The following DCC variants were observed in gnomAD, a reference collection of about 807,000 sequenced individuals.
The protein encoded by DCC is DCC netrin 1 receptor.
Under a neutral mutation model 172.5 loss-of-function variants are expected in DCC, and 58 were observed. That is an observed-to-expected ratio of 0.34 (90% CI 0.27 to 0.42). DCC has a LOEUF of 0.42. Among genes scored for constraint, DCC ranks in the 10% least tolerant of loss-of-function variants. DCC has a pLI of 1.00. For synonymous variants in DCC, 709 were observed against 644.5 expected, an observed-to-expected ratio of 1.10 and a Z score of -1.52; for missense variants, 1,740 against 1,791.0, an observed-to-expected ratio of 0.97 and a Z score of 0.51.
intron 1 of DCC, among the ~76,000 whole-genome samples, chr18:52,418,554 C>T (rs1987127092): frequency 6.6e-6 from 1 of 152,146 alleles, no homozygotes; most frequent in South Asian, 2.1e-4. Context: ...ATGCCAGAAG[C>T]AGGAGGCAGG....
At chr18:52,716,867 T>G (rs1282902026) in intron 1 of DCC, among the ~76,000 whole-genome samples, 1 of 152,200 alleles carries the variant, frequency 6.6e-6, no homozygotes, top group African/African-American at 2.4e-5. Flanking sequence ...AAATTTGCAC[T>G]TTTTGATTGT....
chr18:52,472,913 A>G (rs765680662), intron 1 of DCC, among the ~76,000 whole-genome samples: 5 of 152,162 alleles, frequency 3.3e-5, no homozygotes, highest in African/African-American at 4.8e-5. Context: ...CCTCAAAAAT[A>G]AATAAATTAA....
intron 13 of DCC, among the ~76,000 whole-genome samples, chr18:53,309,021 C>A (rs980912057): frequency 3.3e-5 from 5 of 151,874 alleles, no homozygotes; most frequent in African/African-American, 1.2e-4. Flanking sequence ...TCTCTGTGTT[C>A]TCTCCTCTTC....
intron 9 of DCC, among the ~76,000 whole-genome samples, chr18:53,188,614 T>G (rs2055321183): frequency 6.6e-6 from 1 of 152,200 alleles, no homozygotes; most frequent in Non-Finnish European, 1.5e-5. Flanking sequence ...TTAACCCATT[T>G]GGGTGTTGCA....
intron 15 of DCC, among the ~76,000 whole-genome samples, chr18:53,372,764 A>G (rs16956637): frequency 0.23 from 24,195 of 103,762 alleles, 2,403 homozygotes; most frequent in African/African-American, 0.32. Flanking sequence ...TCTAATCCCA[A>G]TTCCACGGCC....
At chr18:52,879,311 T>C (rs1186516977) in intron 2 of DCC, among the ~76,000 whole-genome samples, 1 of 152,052 alleles carries the variant, frequency 6.6e-6, no homozygotes, top group Non-Finnish European at 1.5e-5. Context: ...CATTCATTTT[T>C]GTGCAGTTGA....
chr18:52,989,244 T>C (rs1599003896), intron 5 of DCC, among the ~76,000 whole-genome samples: 1 of 152,252 alleles, frequency 6.6e-6, no homozygotes, highest in East Asian at 1.9e-4. Context: ...TTTCCTTGGC[T>C]GGGTGTGGTG....
At chr18:52,844,337 CAGAT>C (rs1210286925) in intron 2 of DCC, among the ~76,000 whole-genome samples, 11 of 151,842 alleles carry the variant, frequency 7.2e-5, no homozygotes, top group African/African-American at 2.2e-4. Flanking sequence ...GACAGACAGA[CAGAT>C]AGATAGATAT....
chr18:52,507,503 C>G (rs767064650), intron 1 of DCC, among the ~76,000 whole-genome samples: 1 of 152,156 alleles, frequency 6.6e-6, no homozygotes, highest in African/African-American at 2.4e-5. Flanking sequence ...TGTAAGAAAA[C>G]TTCCAAAGAA....
intron 5 of DCC, among the ~76,000 whole-genome samples, chr18:52,938,765 C>A (rs1490379196): frequency 1.3e-5 from 2 of 151,962 alleles, no homozygotes; most frequent in Non-Finnish European, 2.9e-5. Flanking sequence ...AGCCTTAAGC[C>A]CTCTTTTTCT....
chr18:53,332,482 A>G (rs10469021), intron 14 of DCC, among the ~76,000 whole-genome samples: 15,701 of 152,238 alleles, frequency 0.1, 870 homozygotes, highest in Middle Eastern at 0.19. Flanking sequence ...ATGAGCAAAA[A>G]TTTGTTAAAT....
intron 2 of DCC, among the ~76,000 whole-genome samples, chr18:52,896,391 G>A (rs1019265252): frequency 2.6e-5 from 4 of 152,032 alleles, no homozygotes; most frequent in African/African-American, 9.7e-5. Flanking sequence ...ACAGTTAAGC[G>A]ACCTCTTTCA....
At chr18:52,837,179 C>T (rs1358314651) in intron 2 of DCC, among the ~76,000 whole-genome samples, 3 of 152,162 alleles carry the variant, frequency 2.0e-5, no homozygotes, top group Non-Finnish European at 4.4e-5. Flanking sequence ...ATATTTTCCT[C>T]CTAGGCCTCC....
intron 24 of DCC, among the ~76,000 whole-genome samples, chr18:53,460,999 T>A (rs980886289): frequency 1.8e-4 from 28 of 152,346 alleles, no homozygotes; most frequent in South Asian, 4.1e-4. Context: ...GATATCTCAT[T>A]GTGGTTTTGA....
At chr18:52,669,493 C>G (rs539392730) in intron 1 of DCC, among the ~76,000 whole-genome samples, 1 of 152,176 alleles carries the variant, frequency 6.6e-6, no homozygotes, top group Non-Finnish European at 1.5e-5. Context: ...CAAGAAGGAA[C>G]AAGGACAGCT....
At chr18:53,445,783 A>C (rs1253097421) in intron 22 of DCC, among the ~76,000 whole-genome samples, 2 of 152,134 alleles carry the variant, frequency 1.3e-5, no homozygotes, top group Non-Finnish European at 2.9e-5. Flanking sequence ...CATCATGGAA[A>C]TAAAAAATAA....
chr18:53,215,964 A>G (rs2055840298), intron 12 of DCC, among the ~76,000 whole-genome samples: 1 of 152,220 alleles, frequency 6.6e-6, no homozygotes, highest in African/African-American at 2.4e-5. Context: ...TGAAATAATT[A>G]GGAGAAAGAA....
At chr18:52,646,546 A>T (rs890000375) in intron 1 of DCC, among the ~76,000 whole-genome samples, 1 of 152,196 alleles carries the variant, frequency 6.6e-6, no homozygotes, top group Admixed American at 6.5e-5. Flanking sequence ...CCAGCTATCG[A>T]TTGGGGGTTC....
At chr18:53,135,886 G>A (rs752069744) in intron 7 of DCC, among the ~76,000 whole-genome samples, 1 of 152,094 alleles carries the variant, frequency 6.6e-6, no homozygotes, top group African/African-American at 2.4e-5. Flanking sequence ...AGCTTAGGCT[G>A]TCCCCATGCT....
Sources: gnomAD v4.1 joint callset for allele counts (sites outside exome capture counted in the v4.1 genomes callset) on GRCh38, gnomAD v4.1.1 for gene constraint, MANE v1.5 for transcripts, NCBI Gene and HGNC (gene_info 2026-07-23, HGNC 2026-07-21) for gene names.